Variants in DMD observed in about 807,000 individuals in gnomAD.
DMD encodes the protein dystrophin.
Under a neutral mutation model 330.1 loss-of-function variants are expected in DMD, and 63 were observed. The ratio of observed to expected loss-of-function variants is 0.19; its 90% CI spans 0.16 to 0.24. DMD has a LOEUF of 0.24. DMD is among the 10% of genes least tolerant of loss of function. The pLI is 1.00. For synonymous variants in DMD, 1,223 were observed against 959.8 expected (o/e 1.27, Z -5.07); for missense variants, 3,344 against 2,684.1 (o/e 1.25, Z -5.43).
At chrX:31,691,718 A>G (rs1254625986) in intron 52 of DMD, among the ~76,000 whole-genome samples, 3 of 112,249 alleles carry the variant, frequency 2.7e-5, no homozygotes, top group African/African-American at 9.7e-5. Flanking sequence ...ATATTGATAA[A>G]GGTTATTTCA....
intron 29 of DMD, 98 bp from the exon 30 acceptor site, chrX:32,412,011 A>C (rs1292928666): frequency 8.4e-7 from 1 of 1,193,534 alleles, no homozygotes; most frequent in Non-Finnish European, 1.1e-6. Context: ...AGACTCTTCC[A>C]CAATCACCTT....
At chrX:31,520,106 A>G (rs982667409) in intron 55 of DMD, among the ~76,000 whole-genome samples, 6 of 112,423 alleles carry the variant, frequency 5.3e-5, no homozygotes, top group African/African-American at 1.9e-4. Flanking sequence ...ATTTGCCGGG[A>G]AAAAAATGTC....
intron 41 of DMD, among the ~76,000 whole-genome samples, chrX:32,326,298 T>A (rs1185140234): frequency 1.8e-5 from 2 of 112,285 alleles, no homozygotes; most frequent in Non-Finnish European, 3.8e-5. Flanking sequence ...AAAACACAAC[T>A]TTAGGAACTC....
intron 51 of DMD, among the ~76,000 whole-genome samples, chrX:31,736,135 G>A (rs5972441): frequency 0.041 from 4,633 of 111,768 alleles, 107 homozygotes; most frequent in East Asian, 0.087. Flanking sequence ...CTGGTTAATC[G>A]TTGATGGGAA....
chrX:31,774,105 A>T lies in DMD; in HGVS notation c.7397T>A (p.Met2466Lys). The change falls in exon 51 of 79, where the codon ATG becomes AAG. Residue 2466 changes from methionine to lysine, a missense_variant. Transcript: ENST00000357033. ...ATCTGCCAGAGCAGGTACCTCCAACATCAAGGAAGATGGCATTTCTAGTTT... is the reference window on the plus strand; with the variant it reads ...ATCTGCCAGAGCAGGTACCTCCAACTTCAAGGAAGATGGCATTTCTAGTTT... ...ISKLEMPSSLMLEVPALADFN... is the reference protein window; with the variant it reads ...ISKLEMPSSLKLEVPALADFN... The T allele has an allele frequency of 8.3e-7, 1 of 1,211,151 alleles. No individual in the cohort carries two copies. The highest frequency in any genetic ancestry group is 1.1e-6 in the Non-Finnish European group (1 of 895,137).
At chrX:32,593,279 T>C (rs748520417) in intron 13 of DMD, among the ~76,000 whole-genome samples, 10 of 112,930 alleles carry the variant, frequency 8.9e-5, no homozygotes, top group African/African-American at 3.2e-4. Context: ...AAAGAAAACT[T>C]TCCTCAGGAA....
intron 33 of DMD, among the ~76,000 whole-genome samples, chrX:32,381,332 G>C (rs186743131): frequency 1.5e-4 from 17 of 111,252 alleles, no homozygotes; most frequent in African/African-American, 3.6e-4. Flanking sequence ...CTAATTACTT[G>C]ATCCTGTGCT....
At chrX:32,699,718 CTCAG>C (rs2063942192) in intron 7 of DMD, among the ~76,000 whole-genome samples, 1 of 111,651 alleles carries the variant, frequency 9.0e-6, no homozygotes, top group Admixed American at 9.5e-5. Flanking sequence ...CGCTTTGGTT[CTCAG>C]TAAAGAAACC....
intron 2 of DMD, among the ~76,000 whole-genome samples, chrX:32,943,603 A>G (rs924936635): frequency 9.0e-6 from 1 of 111,129 alleles, no homozygotes; most frequent in African/African-American, 3.3e-5. Flanking sequence ...TTTTCACTGT[A>G]ATAACAATTA....
chrX:32,628,258 ATTTTTTTTTTTTTTTT>A lies in DMD; in HGVS notation c.1332-13821_1332-13806del, dbSNP rs1170760390. Among the ~76,000 whole-genome samples the A allele has an allele frequency of 4.6e-4, 7 of 15,354 alleles. 1 individual carries two copies. The highest frequency in any genetic ancestry group is 0.1 in the Middle Eastern group (2 of 20). The allele number at this position is 15,354 out of a possible 115,157, so 13.3% of individuals were successfully genotyped here. Reference sequence around the variant, plus strand: ...TATCTCCATGAGTTCAGTTGTTTTAATTTTTTTTTTTTTTTTTTTTTTTTTTTTTTTTTTTTTAAGC... The same window carrying A: ...TATCTCCATGAGTTCAGTTGTTTTAATTTTTTTTTTTTTTTTTTTTTAAGC... On this transcript the variant is annotated intron_variant, in intron 11 of 78. Transcript: ENST00000357033.
chrX:33,337,172 A>G (rs993348895), intron 1 of DMD, among the ~76,000 whole-genome samples: 1 of 112,066 alleles, frequency 8.9e-6, no homozygotes, highest in African/African-American at 3.2e-5. Flanking sequence ...AACTATGGTA[A>G]CAAGAGAGTG....
Position 31,260,981 on chromosome X carries a change from T to A in DMD, c.9260A>T (p.Lys3087Ile). 8.3e-7 allele frequency: 1 copy of A among 1,211,656 alleles called. No homozygotes were observed. Among genetic ancestry groups the A allele is most frequent in the East Asian group, 3.0e-5 (1 of 33,845 alleles). The change falls in exon 63 of 79, where the codon AAA becomes ATA. Residue 3087 changes from lysine (K) to isoleucine (I), a missense_variant. Lys to Ile is a moderately radical substitution (Grantham distance 102). Coordinates refer to ENST00000357033, the MANE Select transcript of DMD (RefSeq NM_004006.3). ...TAAAGACTGGTAGAGCTCTGTCATTTTGGGATGGTCCCAGCAAGTTGTTTG... is the reference window on the plus strand; with the variant it reads ...TAAAGACTGGTAGAGCTCTGTCATTATGGGATGGTCCCAGCAAGTTGTTTG... ...ETQTTCWDHP[K>I]MTELYQSLAD...
chrX:32,389,497 A>G lies in DMD; in HGVS notation c.4518+4T>C, dbSNP rs781355948. 4.1e-6 allele frequency: 5 copies of G among 1,210,950 alleles called. No individual in the cohort carries two copies. The highest frequency in any genetic ancestry group is 5.6e-6 in the Non-Finnish European group (5 of 894,753). ...CCTGCGTATTTGCCACCAGAAATAC[A>G]TACCACACAATGATTTAGCTGTGAC... On this transcript the variant is annotated splice_donor_region_variant and intron_variant, in intron 32 of 78. Transcript: ENST00000357033.
rs1215863491 is a variant in DMD at position 31,434,423 on chromosome X, CA to C, written c.9084+10057del. 4.5e-3 allele frequency among the ~76,000 whole-genome samples: 107 copies of C among 23,700 alleles called. 2 individuals carry two copies. Among genetic ancestry groups the C allele is most frequent in the African/African-American group, 0.021 (105 of 5,072 alleles). 20.6% of individuals were successfully genotyped at this position (23,700 alleles called of 115,157 possible). A position where few individuals can be genotyped will look rare whatever the true frequency, so the allele number is the denominator to read the frequency against. On this transcript the variant is annotated intron_variant, in intron 60 of 78. Transcript: ENST00000357033. The stretch of plus-strand genomic sequence containing the variant: ...ACCCTTACTGCAGCGCGCGCGCACA[CA>C]CACACACACACACACACACACACAC...
At chrX:32,827,273 T>A (rs1405894106) in intron 4 of DMD, among the ~76,000 whole-genome samples, 1 of 111,060 alleles carries the variant, frequency 9.0e-6, no homozygotes, top group East Asian at 2.8e-4. Context: ...CAGTATTGAT[T>A]AAATCTGTAA....
intron 18 of DMD, among the ~76,000 whole-genome samples, chrX:32,507,806 G>A (rs2044783429): frequency 9.0e-6 from 1 of 111,306 alleles, no homozygotes; most frequent in Admixed American, 9.6e-5. Flanking sequence ...GAAGAAATCA[G>A]CATTGTTGTA....
At chrX:33,048,451 A>G in intron 1 of DMD, among the ~76,000 whole-genome samples, 1 of 110,398 alleles carries the variant, frequency 9.1e-6, no homozygotes, top group Admixed American at 9.7e-5. Flanking sequence ...GCACTTTGGG[A>G]GGCCGAGGCG....
chrX:31,371,062 T>A (rs768155805), intron 60 of DMD, among the ~76,000 whole-genome samples: 18 of 110,384 alleles, frequency 1.6e-4, no homozygotes, highest in Non-Finnish European at 1.1e-4. Context: ...AAAAGGCCAA[T>A]AGGAGGGATC....
At chrX:33,300,830 C>T (rs1373854343) in intron 1 of DMD, among the ~76,000 whole-genome samples, 1 of 111,880 alleles carries the variant, frequency 8.9e-6, no homozygotes, top group Non-Finnish European at 1.9e-5. Context: ...GCAGTAATTG[C>T]TGTCTCTTTT....
Sources: allele counts gnomAD v4.1 joint callset (sites outside exome capture counted in the v4.1 genomes callset), GRCh38; gene constraint gnomAD v4.1.1; transcripts MANE v1.5; gene names NCBI Gene and HGNC (gene_info 2026-07-23, HGNC 2026-07-21).